Variants in CSF3R observed in about 807,000 individuals in gnomAD.
The protein encoded by CSF3R is granulocyte colony-stimulating factor receptor.
A neutral mutation model predicts 84.4 loss-of-function variants in CSF3R; 52 were observed. The observed-to-expected ratio is 0.62, with a 90% CI of 0.49 to 0.78. The LOEUF (loss-of-function observed/expected upper bound fraction) is 0.78, where lower values mean the gene tolerates loss of function less well. Ranked by LOEUF, CSF3R falls within the 30% of genes least tolerant of loss-of-function variation. The pLI, the probability that CSF3R is intolerant of heterozygous loss-of-function variation, is 0.00. For missense variants in CSF3R, 890 were observed against 1,055.7 expected, an observed-to-expected ratio of 0.84 and a Z score of 2.17; for synonymous variants, 384 against 429.1, an observed-to-expected ratio of 0.89 and a Z score of 1.30.
chr1:36,469,778 C>A lies in CSF3R; in HGVS notation c.1348G>T (p.Glu450Ter), dbSNP rs766441662. 6.2e-7 allele frequency: 1 copy of A among 1,614,134 alleles called. No individual in the cohort carries two copies. Among genetic ancestry groups the A allele is most frequent in the Admixed American group, 1.7e-5 (1 of 60,028 alleles). Reference protein sequence around the residue: ...RDPHSLWVGWEPPNPWPQGYV... With the variant: ...RDPHSLWVGW ...CCCTGAGGCCATGGATTGGGGGGCT[C>A]CCAGCCTACCCAGAGGCTGTGAGGG... The change falls in exon 11 of 17, where the codon GAG (glutamate) becomes TAG (stop). Residue 450 changes from glutamate (E) to a stop codon, truncating the protein, a stop_gained. Coordinates refer to ENST00000373106, the MANE Select transcript of CSF3R (RefSeq NM_000760.4). LOFTEE classifies it high-confidence loss of function.
rs1443746101 is a variant in CSF3R at position 36,472,024 on chromosome 1, G to A, written c.1071+42C>T. The A allele has an allele frequency of 1.3e-6, 2 of 1,591,430 alleles. No homozygotes were observed. The highest frequency in any genetic ancestry group is 1.1e-5 in the South Asian group (1 of 90,552). On this transcript the variant is annotated intron_variant, in intron 9 of 16. Transcript: ENST00000373106. The surrounding 1 kb of genome is among the most constrained non-coding windows in gnomAD (Gnocchi z 5.0). ...GTTTGTAGGGATCTGTTTGGACTGC[G>A]GGAGGTGTCGAGGTGGAGGGATGGC...
rs781600700 is a variant in CSF3R, at chr1:36,472,490, G to A, written c.843+27C>T. 1.2e-6 allele frequency: 2 copies of A among 1,613,996 alleles called. No homozygotes were observed. The highest frequency in any genetic ancestry group is 2.2e-5 in the South Asian group (2 of 91,078). On this transcript the variant is annotated intron_variant, in intron 7 of 16. Coordinates refer to ENST00000373106, the MANE Select transcript of CSF3R (RefSeq NM_000760.4). This position sits in a 1 kb window ranked among gnomAD's most constrained non-coding sequence, Gnocchi z 5.0. The stretch of plus-strand genomic sequence containing the variant: ...CCTGCCCCCTGCCCCCACCACCTCA[G>A]GCTCTCCAGGTTGCCCTCTGCCTCA...
At chr1:36,469,865 G>A (rs1451503193) in intron 10 of CSF3R, 25 bp from the exon 11 acceptor site, 1 of 1,611,720 alleles carries the variant, frequency 6.2e-7, no homozygotes, top group Non-Finnish European at 8.5e-7. Context: ...GGAAATGGTG[G>A]AATGAAGGTG....
chr1:36,471,926 C>A, intron 9 of CSF3R, 140 bp downstream of exon 9: 1 of 855,388 alleles, frequency 1.2e-6, no homozygotes, highest in South Asian at 1.5e-5. Context: ...GCTCCCTAGG[C>A]ACATGCAAAG....
At chr1:36,468,603 G>T (rs924382681) in intron 12 of CSF3R, 2 of 214,814 alleles carry the variant, frequency 9.3e-6, no homozygotes, top group Non-Finnish European at 1.9e-5. Context: ...GCGCCATCTT[G>T]GCTCACTACA....
At chr1:36,476,996 T>C (rs555150433) in intron 3 of CSF3R, 6 of 152,074 alleles carry the variant, frequency 3.9e-5, no homozygotes, top group African/African-American at 1.4e-4. Context: ...GGGACTCTTC[T>C]TTCTCTCTCC....
chr1:36,479,585 A>G (rs1466890581), intron 2 of CSF3R, 69 bp from the exon 3 acceptor site: 1 of 1,271,130 alleles, frequency 7.9e-7, no homozygotes, highest in Non-Finnish European at 1.1e-6. Context: ...CTTGTCTGTC[A>G]CTGTGCAGCT....
chr1:36,477,241 A>G (rs1651210069), intron 3 of CSF3R: 1 of 152,058 alleles, frequency 6.6e-6, no homozygotes, highest in Non-Finnish European at 1.5e-5. Flanking sequence ...AGTACAGAGT[A>G]GGACCTTGGT....
intron 3 of CSF3R, chr1:36,477,601 A>G (rs1169780230): frequency 6.6e-6 from 1 of 151,854 alleles, no homozygotes; most frequent in Non-Finnish European, 1.5e-5. Context: ...ACAAATCAAC[A>G]TACACTTTGC....
In CSF3R at chr1:36,472,147, T is replaced by A; in HGVS notation, c.998-8A>T. ...CCAGTCTGACAGTGGGGGCTGTGGATGGAACAAGAAGAGGGGGTGCCAGTT... is the reference window on the plus strand; with the variant it reads ...CCAGTCTGACAGTGGGGGCTGTGGAAGGAACAAGAAGAGGGGGTGCCAGTT... On this transcript the variant is annotated splice_region_variant and splice_polypyrimidine_tract_variant and intron_variant, in intron 8 of 16. Coordinates refer to ENST00000373106, the MANE Select transcript of CSF3R (RefSeq NM_000760.4). This position sits in a 1 kb window ranked among gnomAD's most constrained non-coding sequence, Gnocchi z 5.0. The A allele has an allele frequency of 6.2e-7, 1 of 1,613,856 alleles. No individual in the cohort carries two copies. The highest frequency in any genetic ancestry group is 8.5e-7 in the Non-Finnish European group (1 of 1,179,986).
At chr1:36,479,999 C>G (rs183935160) in intron 2 of CSF3R, 2 of 267,916 alleles carry the variant, frequency 7.5e-6, no homozygotes, top group Non-Finnish European at 1.5e-5. Flanking sequence ...CTATGGACAA[C>G]TGGGGCTCTA....
rs3918007 is a variant in CSF3R at position 36,480,788 on chromosome 1, A to G, written c.-21+690T>C. Among the ~76,000 whole-genome samples, 203 of 152,294 alleles carry G rather than the reference A, an allele frequency of 1.3e-3. 1 individual carries two copies. The highest frequency in any genetic ancestry group is 6.8e-3 in the Middle Eastern group (2 of 294). ...GTTACTGCTCACAGGGGTCTTACCC[A>G]AACCCCCAGTCTATCCATGTATATA... is the stretch of plus-strand genomic sequence containing the variant. On this transcript the variant is annotated intron_variant, in intron 2 of 16. Transcript: ENST00000373106.
chr1:36,481,066 C>T (rs534583680), intron 2 of CSF3R, among the ~76,000 whole-genome samples: 35 of 152,280 alleles, frequency 2.3e-4, no homozygotes, highest in South Asian at 1.7e-3. Context: ...ATTATCCCCC[C>T]GCAACACTGG....
Position 36,479,978 on chromosome 1 carries a change from G to A in CSF3R, c.-20-462C>T, listed in dbSNP as rs552233928. On this transcript the variant is annotated intron_variant, in intron 2 of 16. Coordinates refer to ENST00000373106, the MANE Select transcript of CSF3R (RefSeq NM_000760.4). The stretch of plus-strand genomic sequence containing the variant: ...AGCCAGCACAAAGTTACATCATCAT[G>A]TTGGTCACCTCTATGGACAACTGGG... 275 of 299,260 alleles carry A rather than the reference G, an allele frequency of 9.2e-4. 4 individuals are homozygous for A. Among genetic ancestry groups the A allele is most frequent in the South Asian group, 8.1e-3 (261 of 32,160 alleles). The allele number at this position is 299,260 out of a possible 1,614,324, so 18.5% of individuals were successfully genotyped here. A position where few individuals can be genotyped will look rare whatever the true frequency, so the allele number is the denominator to read the frequency against.
At position 36,472,858 on chromosome 1, in the gene CSF3R, T is replaced by C. The variant is rs1650864707; in HGVS notation, c.674-172A>G. The C allele has an allele frequency of 2.5e-6, 2 of 815,064 alleles. No individual in the cohort carries two copies. Among genetic ancestry groups the C allele is most frequent in the Admixed American group, 3.2e-5 (1 of 31,522 alleles). The allele number at this position is 815,064 out of a possible 1,614,324, so 50.5% of individuals were successfully genotyped here. ...TTTCTCTCTAGGTCTCTGTTTCCGC[T>C]CTTGCCCCAGGGCCTTTGCACTGGT... is the stretch of plus-strand genomic sequence containing the variant. On this transcript the variant is annotated intron_variant, in intron 6 of 16. Coordinates refer to ENST00000373106, the MANE Select transcript of CSF3R (RefSeq NM_000760.4). The surrounding 1 kb of genome is among the most constrained non-coding windows in gnomAD (Gnocchi z 5.0).
At chr1:36,480,348 C>G (rs1262486438) in intron 2 of CSF3R, among the ~76,000 whole-genome samples, 3 of 152,252 alleles carry the variant, frequency 2.0e-5, no homozygotes, top group Non-Finnish European at 4.4e-5. Context: ...GAGAGAATAT[C>G]AAGTGGGGCA....
chr1:36,470,917 T>C (rs1393682399), intron 10 of CSF3R, among the ~76,000 whole-genome samples: 2 of 152,212 alleles, frequency 1.3e-5, no homozygotes, highest in Non-Finnish European at 2.9e-5. Context: ...TCTTAACTCA[T>C]GTACACCCCA....
chr1:36,476,712 G>C (rs1300494197), intron 3 of CSF3R, among the ~76,000 whole-genome samples: 1 of 151,776 alleles, frequency 6.6e-6, no homozygotes, highest in Non-Finnish European at 1.5e-5. Context: ...TCAGGCTGGA[G>C]TGCAGTGGCA....
chr1:36,483,256 C>T (rs549766437), upstream of CSF3R: 1 of 152,410 alleles, frequency 6.6e-6, no homozygotes, highest in African/African-American at 2.4e-5. Flanking sequence ...CTGGAAGGCT[C>T]ACCCGGCCCT....
Sources: allele counts gnomAD v4.1 joint callset (sites outside exome capture counted in the v4.1 genomes callset), GRCh38; gene constraint gnomAD v4.1.1; non-coding constraint Gnocchi (gnomAD v3.1); transcripts MANE v1.5; gene names NCBI Gene and HGNC (gene_info 2026-07-23, HGNC 2026-07-21).